LIMCH1: variants seen among roughly 807,000 people sequenced by gnomAD.
The protein encoded by LIMCH1 is LIM and calponin homology domains-containing protein 1.
A neutral mutation model predicts 176.5 loss-of-function variants in LIMCH1; 113 were observed. The observed-to-expected ratio is 0.64, with a 90% CI of 0.55 to 0.75. The LOEUF (loss-of-function observed/expected upper bound fraction) is 0.75. LIMCH1 is among the 30% of genes least tolerant of loss of function. The pLI, the probability that LIMCH1 is intolerant of heterozygous loss-of-function variation, is 0.00. For missense variants in LIMCH1, 1,674 were observed against 1,814.9 expected (o/e 0.92, Z 1.41); for synonymous variants, 619 against 645.9 (o/e 0.96, Z 0.63).
chr4:41,428,823 G>A (rs190298338), intron 1 of LIMCH1, among the ~76,000 whole-genome samples: 2 of 152,284 alleles, frequency 1.3e-5, no homozygotes. Flanking sequence ...AGAGAGCATC[G>A]CTAATGGCAA....
At chr4:41,590,104 C>CTT (rs5857805) in intron 1 of LIMCH1, among the ~76,000 whole-genome samples, 36 of 151,232 alleles carry the variant, frequency 2.4e-4, no homozygotes, top group African/African-American at 8.0e-4. Flanking sequence ...ATTAATTGTT[C>CTT]TTTTTTTTGA....
intron 1 of LIMCH1, among the ~76,000 whole-genome samples, chr4:41,402,166 G>A (rs2154118079): frequency 6.6e-6 from 1 of 152,250 alleles, no homozygotes; most frequent in East Asian, 1.9e-4. Flanking sequence ...AGTGGGCAAA[G>A]GATATGAACA....
chr4:41,400,055 G>A (rs991429304), intron 1 of LIMCH1, among the ~76,000 whole-genome samples: 1 of 151,168 alleles, frequency 6.6e-6, no homozygotes, highest in African/African-American at 2.4e-5. Context: ...AGCTTAGAGA[G>A]ATTACATTTC....
intron 9 of LIMCH1, 148 bp downstream of exon 9, chr4:41,629,882 A>T (rs2093217967): frequency 1.1e-6 from 1 of 938,026 alleles, no homozygotes; most frequent in African/African-American, 1.7e-5. Context: ...ATCACAGTTC[A>T]CTGTACCCTC....
At chr4:41,433,695 AC>A in intron 1 of LIMCH1, among the ~76,000 whole-genome samples, 1 of 149,402 alleles carries the variant, frequency 6.7e-6, no homozygotes, top group Non-Finnish European at 1.5e-5. Context: ...TTTTTTTTAA[AC>A]TTTTAAATTA....
At chr4:41,627,137 C>T in intron 8 of LIMCH1, 127 bp downstream of exon 8, 4 of 1,253,774 alleles carry the variant, frequency 3.2e-6, no homozygotes, top group Non-Finnish European at 4.3e-6. Context: ...TTTCCAGCCT[C>T]TCAATTATAT....
intron 18 of LIMCH1, among the ~76,000 whole-genome samples, chr4:41,655,521 C>A (rs181639962): frequency 6.6e-6 from 1 of 152,182 alleles, no homozygotes; most frequent in African/African-American, 2.4e-5. Context: ...CTTGAACAGA[C>A]GTGAATTTCA....
chr4:41,624,338 T>G (rs1266942522), intron 7 of LIMCH1, among the ~76,000 whole-genome samples: 1 of 151,900 alleles, frequency 6.6e-6, no homozygotes, highest in Non-Finnish European at 1.5e-5. Context: ...CGAGGAACAA[T>G]AGACATTTTA....
At chr4:41,451,246 G>A (rs1561412980) in intron 1 of LIMCH1, among the ~76,000 whole-genome samples, 2 of 151,756 alleles carry the variant, frequency 1.3e-5, no homozygotes, top group African/African-American at 4.8e-5. Flanking sequence ...CTCCCGAGTA[G>A]CTGAGATTAC....
At chr4:41,423,350 G>A (rs1447068287) in intron 1 of LIMCH1, among the ~76,000 whole-genome samples, 2 of 152,048 alleles carry the variant, frequency 1.3e-5, no homozygotes, top group African/African-American at 4.8e-5. Flanking sequence ...AAGAGTTTTG[G>A]GTGGTATGCA....
intron 1 of LIMCH1, among the ~76,000 whole-genome samples, chr4:41,400,411 G>A (rs935292510): frequency 2.0e-5 from 3 of 152,020 alleles, no homozygotes; most frequent in African/African-American, 2.4e-5. Context: ...TATGAATGTC[G>A]GGGAAGGTAT....
intron 1 of LIMCH1, among the ~76,000 whole-genome samples, chr4:41,596,687 G>A (rs1368149044): frequency 6.6e-6 from 1 of 151,942 alleles, no homozygotes; most frequent in Non-Finnish European, 1.5e-5. Flanking sequence ...AAACATATAT[G>A]GCCAAGAAAG....
intron 1 of LIMCH1, among the ~76,000 whole-genome samples, chr4:41,420,807 G>A (rs886376695): frequency 1.3e-5 from 2 of 152,242 alleles, no homozygotes; most frequent in Non-Finnish European, 2.9e-5. Context: ...GTGTTACCTT[G>A]TGGCTGCCAA....
In LIMCH1 at chr4:41,393,420, G is replaced by A. The variant is rs141736612; in HGVS notation, c.96+32484G>A. On this transcript the variant is annotated intron_variant, in intron 1 of 26. Coordinates refer to the LIMCH1 transcript ENST00000313860. ...TAAAGTGTGCATTAGTAGAGCATGG[G>A]ATTGTTGCATTTGGCTTTAGAATGT... Among the ~76,000 whole-genome samples, 13 of 152,332 alleles carry A rather than the reference G, an allele frequency of 8.5e-5. No homozygotes were observed. The East Asian group carries it at 2.3e-3, about 27-fold the overall frequency.
intron 1 of LIMCH1, among the ~76,000 whole-genome samples, chr4:41,440,714 G>A (rs2062610698): frequency 1.3e-5 from 2 of 152,028 alleles, no homozygotes; most frequent in African/African-American, 2.4e-5. Flanking sequence ...TGTATTTTTA[G>A]TAGAGGTGGG....
intron 1 of LIMCH1, among the ~76,000 whole-genome samples, chr4:41,422,626 C>A (rs940953721): frequency 6.6e-6 from 1 of 152,146 alleles, no homozygotes; most frequent in African/African-American, 2.4e-5. Flanking sequence ...ATATAGAAAG[C>A]AGCTTCAAAG....
At chr4:41,459,046 C>G (rs4469113) in intron 1 of LIMCH1, among the ~76,000 whole-genome samples, 5,499 of 152,052 alleles carry the variant, frequency 0.036, 199 homozygotes, top group South Asian at 0.12. Flanking sequence ...TTATAAGGAA[C>G]TAGGATATGC....
chr4:41,410,895 C>T (rs1037717388), intron 1 of LIMCH1, among the ~76,000 whole-genome samples: 2 of 152,182 alleles, frequency 1.3e-5, no homozygotes, highest in African/African-American at 4.8e-5. Flanking sequence ...CTGGCCCTTA[C>T]CTAAGCCCCA....
intron 2 of LIMCH1, chr4:41,524,383 T>C (rs1404940038): frequency 1.3e-6 from 2 of 1,597,126 alleles, no homozygotes; most frequent in African/African-American, 1.3e-5. Flanking sequence ...TATGTCTCAC[T>C]TGACATTCTG....
Sources: allele counts gnomAD v4.1 joint callset (sites outside exome capture counted in the v4.1 genomes callset), GRCh38; gene constraint gnomAD v4.1.1; transcripts MANE v1.5; gene names NCBI Gene and HGNC (gene_info 2026-07-23, HGNC 2026-07-21).